The following SLC10A3 variants were observed in gnomAD, a reference collection of about 807,000 sequenced individuals.
The protein encoded by SLC10A3 is solute carrier family 10 member 3.
Under a neutral mutation model 1.9 loss-of-function variants are expected in SLC10A3, and 1 was observed. That is an observed-to-expected ratio of 0.52 (90% CI 0.19 to 2.48). The LOEUF (loss-of-function observed/expected upper bound fraction) is 2.48. SLC10A3 is among the 30% of genes most tolerant of loss of function. SLC10A3 has a pLI of 0.25. For missense variants in SLC10A3, 317 were observed against 398.5 expected (o/e 0.80, Z 1.74); for synonymous variants, 202 against 189.3 (o/e 1.07, Z -0.55).
chrX:154,489,657 A>C, intron 1 of SLC10A3: 1 of 754,274 alleles, frequency 1.3e-6, no homozygotes, highest in Non-Finnish European at 1.6e-6. Context: ...CGACCACCGT[A>C]GTGTCACATC....
intron 1 of SLC10A3, chrX:154,489,360 T>C (rs1462446473): frequency 1.9e-5 from 14 of 753,038 alleles, no homozygotes; most frequent in Non-Finnish European, 2.2e-5. Flanking sequence ...AAGGTCCTGC[T>C]GGGAAGCAGG....
Position 154,488,377 on chromosome X carries a change from C to T in SLC10A3, c.564G>A (p.Ser188=), listed in dbSNP as rs781947831. The change falls in exon 2 of 2, where the codon TCG becomes TCA. Residue 188 remains serine (S), a synonymous_variant. Coordinates refer to ENST00000651600, the MANE Select transcript of SLC10A3 (RefSeq NM_019848.5). ...GGAGCAGGTAGAGGATTGGGTTTTCCGAGAAGTGGGCCAGGTCGGCGCTGA... is the reference window on the plus strand; with the variant it reads ...GGAGCAGGTAGAGGATTGGGTTTTCTGAGAAGTGGGCCAGGTCGGCGCTGA... The part of the protein sequence containing the change: ...ATLSADLAHF[S]ENPILYLLLP... 2 of 1,211,586 alleles carry T rather than the reference C, an allele frequency of 1.7e-6. No homozygotes were observed. The highest frequency in any genetic ancestry group is 2.2e-6 in the Non-Finnish European group (2 of 895,512).
Position 154,487,935 on chromosome X carries a change from C to A in SLC10A3, c.1006G>T (p.Val336Leu). The change falls in exon 2 of 2, where the codon GTG becomes TTG. Residue 336 changes from valine to leucine, a missense_variant. Val to Leu is a conservative substitution (Grantham distance 32, BLOSUM62 1). Transcript: ENST00000651600. ...AGCTTGGACTTGATCAGCACGCCCA[C>A]GGCTATGGGGATGGCAATGAACAGC... ...TLLFIAIPIA[V>L]GVLIKSKLPK... 8.3e-7 allele frequency: 1 copy of A among 1,211,349 alleles called. No homozygotes were observed. The highest frequency in any genetic ancestry group is 1.1e-6 in the Non-Finnish European group (1 of 895,395).
At position 154,490,453 on chromosome X, in the gene SLC10A3, T is replaced by C; in HGVS notation, c.-289A>G. 1 of 625,070 alleles carries C rather than the reference T, an allele frequency of 1.6e-6. No individual in the cohort carries two copies. The highest frequency in any genetic ancestry group is 1.9e-6 in the Non-Finnish European group (1 of 521,579). 51.5% of individuals were successfully genotyped at this position (625,070 alleles called of 1,213,427 possible). ...CTGGGGGGGCCCCTTACGCCATTCC[T>C]GGGCCCCGCGGCCCCGCCAGGCCTC... On this transcript the variant is annotated 5_prime_UTR_variant, in exon 1 of 2. Transcript: ENST00000651600.
At position 154,487,639 on chromosome X, in the gene SLC10A3, C is replaced by T; in HGVS notation, c.1302G>A (p.Gln434=). 1 of 1,210,532 alleles carries T rather than the reference C, an allele frequency of 8.3e-7. No individual in the cohort carries two copies. Among genetic ancestry groups the T allele is most frequent in the Non-Finnish European group, 1.1e-6 (1 of 895,076 alleles). Residue 434 remains glutamine, a synonymous_variant, in exon 2 of 2, where the codon CAG becomes CAA. Transcript: ENST00000651600. The stretch of plus-strand genomic sequence containing the variant: ...CAGCTTGAAGGCGGCGGAGGGATAG[C>T]TGCAGCATGGCCAAGGCCAGCAGGC... ...QNSLLALAML[Q]LSLRRLQADY...
intron 1 of SLC10A3, chrX:154,490,106 C>T (rs1603398736): frequency 1.1e-6 from 1 of 946,789 alleles, no homozygotes; most frequent in Non-Finnish European, 1.3e-6. Flanking sequence ...GGCCATCCAC[C>T]CCATGCCCCA....
Position 154,490,421 on chromosome X carries a change from T to C in SLC10A3, c.-257A>G, listed in dbSNP as rs1329994170. On this transcript the variant is annotated 5_prime_UTR_variant, in exon 1 of 2. Transcript: ENST00000651600. ...CAGCCGGCGACCCGCTCGGGCCGTC[T>C]CGGAGTCTGGGGGGGCCCCTTACGC... 70 of 715,425 alleles carry C rather than the reference T, an allele frequency of 9.8e-5. No homozygotes were observed. The highest frequency in any genetic ancestry group is 1.1e-4 in the Non-Finnish European group (69 of 605,648). The allele number at this position is 715,425 out of a possible 1,213,427, so 59.0% of individuals were successfully genotyped here. A position where few individuals can be genotyped will look rare whatever the true frequency, so the allele number is the denominator to read the frequency against.
intron 1 of SLC10A3, 132 bp downstream of exon 1, chrX:154,490,175 A>T: frequency 1.1e-6 from 1 of 922,253 alleles, no homozygotes; most frequent in Non-Finnish European, 1.3e-6. Context: ...CCCAGATCCC[A>T]CACCATTTCT....
In SLC10A3 at chrX:154,488,118, G is replaced by A. The variant is rs1557213585; in HGVS notation, c.823C>T (p.Leu275Phe). Reference protein sequence around the residue: ...PGGGGSYLFSLLLGGDVTLAI... With the variant: ...PGGGGSYLFSFLLGGDVTLAI... The stretch of plus-strand genomic sequence containing the variant: ...AGGGTGACGTCCCCTCCAAGAAGGA[G>A]GCTGAAGAGGTAGCTCCCCCCGCCG... Residue 275 changes from leucine (L) to phenylalanine (F), a missense_variant, in exon 2 of 2, where the codon CTC becomes TTC. Transcript: ENST00000651600. 8.3e-7 allele frequency: 1 copy of A among 1,211,503 alleles called. No homozygotes were observed. Among genetic ancestry groups the A allele is most frequent in the African/African-American group, 1.7e-5 (1 of 57,880 alleles).
chrX:154,488,330 T>C lies in SLC10A3; in HGVS notation c.611A>G (p.Lys204Arg). The C allele has an allele frequency of 8.3e-7, 1 of 1,211,374 alleles. No individual in the cohort carries two copies. Among genetic ancestry groups the C allele is most frequent in the Non-Finnish European group, 1.1e-6 (1 of 895,498 alleles). Reference protein sequence around the residue: ...YLLLPLIFVNKCSFGCKVELE... With the variant: ...YLLLPLIFVNRCSFGCKVELE... Reference sequence around the variant, plus strand: ...TTCCACTTTGCACCCAAACGAACACTTGTTGACAAAGATAAGAGGCAGGAG... The same window carrying C: ...TTCCACTTTGCACCCAAACGAACACCTGTTGACAAAGATAAGAGGCAGGAG... Residue 204 changes from lysine (K) to arginine (R), a missense_variant, in exon 2 of 2, where the codon AAG (lysine) becomes AGG (arginine). Physicochemically the swap from Lys to Arg is conservative, Grantham distance 26. Coordinates refer to ENST00000651600, the MANE Select transcript of SLC10A3 (RefSeq NM_019848.5).
chrX:154,488,821 C>G lies in SLC10A3; in HGVS notation c.120G>C (p.Trp40Cys), dbSNP rs2069347106. 12 of 1,209,587 alleles carry G rather than the reference C, an allele frequency of 9.9e-6. No individual in the cohort carries two copies. Among genetic ancestry groups the G allele is most frequent in the Non-Finnish European group, 1.3e-5 (12 of 895,057 alleles). Residue 40 changes from tryptophan (W) to cysteine (C), a missense_variant, in exon 2 of 2, where the codon TGG becomes TGC. By Grantham distance (215) the Trp-to-Cys change is radical. Coordinates refer to ENST00000651600, the MANE Select transcript of SLC10A3 (RefSeq NM_019848.5). ...RAALLLISLP[W>C]GAQGTASTSL... ...TGGTGCTGGCTGTCCCTTGGGCCCC[C>G]CATGGCAGGCTGATGAGCAGCAGGG...
intron 1 of SLC10A3, 87 bp downstream of exon 1, chrX:154,490,220 C>T (rs1414661189): frequency 1.1e-6 from 1 of 894,385 alleles, no homozygotes; most frequent in Non-Finnish European, 1.4e-6. Flanking sequence ...GCAGATGCAC[C>T]CACAAGGCAG....
Position 154,488,819 on chromosome X carries a change from C to A in SLC10A3, c.122G>T (p.Gly41Val). ...GCTGGTGCTGGCTGTCCCTTGGGCC[C>A]CCCATGGCAGGCTGATGAGCAGCAG... ...AALLLISLPW[G>V]AQGTASTSLS... Residue 41 changes from glycine (G) to valine (V), a missense_variant, in exon 2 of 2, where the codon GGG (glycine) becomes GTG (valine). By Grantham distance (109) the Gly-to-Val change is moderately radical. Coordinates refer to ENST00000651600, the MANE Select transcript of SLC10A3 (RefSeq NM_019848.5). 2.5e-6 allele frequency: 3 copies of A among 1,210,931 alleles called. No homozygotes were observed. The highest frequency in any genetic ancestry group is 3.4e-6 in the Non-Finnish European group (3 of 895,250).
Position 154,490,370 on chromosome X carries a change from G to T in SLC10A3, c.-206C>A. ...GCTCGGGCGCGAACCTGGGAGGGAG[G>T]AAAGGAAGGGCACGCCGCCGTCCCA... On this transcript the variant is annotated 5_prime_UTR_variant, in exon 1 of 2. Transcript: ENST00000651600. 3 of 759,473 alleles carry T rather than the reference G, an allele frequency of 4.0e-6. No homozygotes were observed. Among genetic ancestry groups the T allele is most frequent in the Non-Finnish European group, 4.7e-6 (3 of 642,795 alleles). The allele number at this position is 759,473 out of a possible 1,213,427, so 62.6% of individuals were successfully genotyped here.
intron 1 of SLC10A3, chrX:154,489,932 G>A: frequency 9.4e-7 from 1 of 1,065,391 alleles, no homozygotes; most frequent in Non-Finnish European, 1.2e-6. Context: ...TTGAAGTTCG[G>A]GTCACTTACC....
rs1360534032 is a variant in SLC10A3 at position 154,488,751 on chromosome X, G to A, written c.190C>T (p.Arg64Cys). The A allele has an allele frequency of 6.6e-6, 8 of 1,210,141 alleles. No homozygotes were observed. Among genetic ancestry groups the A allele is most frequent in the Admixed American group, 2.2e-5 (1 of 45,892 alleles). Reference protein sequence around the residue: ...GGHTVPPTGGRYLSIGDGSVM... With the variant: ...GGHTVPPTGGCYLSIGDGSVM... ...GAGCCATCTCCAATGCTCAAGTAGC[G>A]GCCCCCAGTCGGTGGCACGGTGTGA... Residue 64 changes from arginine to cysteine, a missense_variant, in exon 2 of 2, where the codon CGC (arginine) becomes TGC (cysteine). Arg to Cys is a radical substitution (Grantham distance 180). Coordinates refer to ENST00000651600, the MANE Select transcript of SLC10A3 (RefSeq NM_019848.5).
chrX:154,487,993 G>A lies in SLC10A3; in HGVS notation c.948C>T (p.Leu316=). The part of the protein sequence containing the change: ...YSRLLSIHET[L]HVPISKILGT... ...CCAGGATCTTGGAGATGGGCACGTG[G>A]AGCGTCTCATGGATGCTGAGCAGGC... The change falls in exon 2 of 2, where the codon CTC becomes CTT. Residue 316 remains leucine, a synonymous_variant. Transcript: ENST00000651600. 2.5e-6 allele frequency: 3 copies of A among 1,211,663 alleles called. No individual in the cohort carries two copies. The highest frequency in any genetic ancestry group is 1.8e-5 in the South Asian group (1 of 56,996).
In SLC10A3 at chrX:154,488,194, C is replaced by T. The variant is rs782584318; in HGVS notation, c.747G>A (p.Met249Ile). 1.5e-5 allele frequency: 18 copies of T among 1,210,084 alleles called. No individual in the cohort carries two copies. In the Admixed American group the frequency reaches 3.9e-4, roughly 26 times the overall value. ...LYAFLMAKVF[M>I]LPKALALGLI... ...GGCCCAGAGCCAGGGCCTTGGGCAG[C>T]ATGAAGACCTTGGCCATGAGGAAAG... Residue 249 changes from methionine to isoleucine, a missense_variant, in exon 2 of 2, where the codon ATG becomes ATA. By Grantham distance (10) the Met-to-Ile change is conservative. Coordinates refer to ENST00000651600, the MANE Select transcript of SLC10A3 (RefSeq NM_019848.5).
chrX:154,490,358 C>T lies in SLC10A3; in HGVS notation c.-194G>A. The stretch of plus-strand genomic sequence containing the variant: ...GTGGCTAGCAGAGCTCGGGCGCGAA[C>T]CTGGGAGGGAGGAAAGGAAGGGCAC... On this transcript the variant is annotated 5_prime_UTR_variant, in exon 1 of 2. Coordinates refer to ENST00000651600, the MANE Select transcript of SLC10A3 (RefSeq NM_019848.5). The T allele has an allele frequency of 1.3e-6, 1 of 762,869 alleles. No homozygotes were observed. The highest frequency in any genetic ancestry group is 1.6e-6 in the Non-Finnish European group (1 of 645,146). 62.9% of individuals were successfully genotyped at this position (762,869 alleles called of 1,213,427 possible).
Sources: allele counts gnomAD v4.1 joint callset, GRCh38; gene constraint gnomAD v4.1.1; transcripts MANE v1.5; gene names NCBI Gene and HGNC (gene_info 2026-07-23, HGNC 2026-07-21).